Variants in TDRD9 observed in about 807,000 individuals in gnomAD.
The protein encoded by TDRD9 is ATP-dependent RNA helicase TDRD9.
In TDRD9, 124 loss-of-function variants were observed where a neutral mutation model predicts 172.6. That is an observed-to-expected ratio of 0.72 (90% confidence interval 0.62 to 0.83). TDRD9 has a LOEUF of 0.83. Among genes scored for constraint, TDRD9 ranks in the 40% least tolerant of loss-of-function variants. TDRD9 has a pLI of 0.00. For missense variants in TDRD9, 1,479 were observed against 1,714.1 expected (o/e 0.86, Z 2.42); for synonymous variants, 619 against 617.1 (o/e 1.00, Z -0.05).
intron 1 of TDRD9, among the ~76,000 whole-genome samples, chr14:103,931,003 T>C (rs2030352360): frequency 1.3e-5 from 2 of 152,164 alleles, no homozygotes; most frequent in Admixed American, 6.5e-5. Context: ...TAAAAAATTA[T>C]TAGATTCAAT....
intron 34 of TDRD9, among the ~76,000 whole-genome samples, chr14:104,048,673 T>A (rs185306996): frequency 2.6e-5 from 4 of 152,220 alleles, no homozygotes; most frequent in South Asian, 4.2e-4. Flanking sequence ...CCTCCATCAG[T>A]CAGGGATGTG....
At chr14:104,012,273 G>A (rs1441196740) in intron 20 of TDRD9, among the ~76,000 whole-genome samples, 1 of 152,372 alleles carries the variant, frequency 6.6e-6, no homozygotes, top group South Asian at 2.1e-4. Context: ...ATCCAGGAGG[G>A]TAAGAGTCCC....
rs143714763 is a variant in TDRD9 at position 103,987,123 on chromosome 14, T to TACACACAC, written c.1115+836_1115+843dup. 1.0e-3 allele frequency among the ~76,000 whole-genome samples: 151 copies of TACACACAC among 145,788 alleles called. 1 individual carries two copies. The highest frequency in any genetic ancestry group is 1.7e-3 in the Admixed American group (25 of 14,590). On this transcript the variant is annotated intron_variant, in intron 8 of 35. Coordinates refer to ENST00000409874, the MANE Select transcript of TDRD9 (RefSeq NM_153046.3). ...GCAAGACTCCATCTCAAAAAATATA[T>TACACACAC]ACACACACACACACACACACACACA...
At chr14:103,975,625 T>A in intron 7 of TDRD9, 72 bp downstream of exon 7, 15 of 1,430,838 alleles carry the variant, frequency 1.0e-5, no homozygotes, top group Non-Finnish European at 1.4e-5. Context: ...ATTCATCACC[T>A]ATGATTGTAA....
chr14:104,042,379 C>CTG (rs147033454), intron 34 of TDRD9, among the ~76,000 whole-genome samples, 192 bp downstream of exon 34: 2 of 152,012 alleles, frequency 1.3e-5, no homozygotes, highest in East Asian at 1.9e-4. Flanking sequence ...CACCCTTGTC[C>CTG]TGTGTGTGTG....
chr14:104,031,540 C>T (rs532231157), intron 29 of TDRD9, among the ~76,000 whole-genome samples: 60 of 141,216 alleles, frequency 4.2e-4, no homozygotes, highest in African/African-American at 1.5e-3. Context: ...GGAAGCACAG[C>T]GTGTGGGTTC....
intron 7 of TDRD9, among the ~76,000 whole-genome samples, chr14:103,985,461 G>GT (rs1314581852): frequency 6.6e-6 from 1 of 152,192 alleles, no homozygotes; most frequent in East Asian, 1.9e-4. Context: ...ATGTGGAACT[G>GT]TAAGTCCAGT....
In TDRD9 at chr14:104,004,299, C is replaced by T. The variant is rs750221711; in HGVS notation, c.1545C>T (p.Asp515=). 5 of 1,603,894 alleles carry T rather than the reference C, an allele frequency of 3.1e-6. No homozygotes were observed. Among genetic ancestry groups the T allele is most frequent in the Non-Finnish European group, 4.3e-6 (5 of 1,172,474 alleles). ...GGCTGGTACACAAGGATTTCTGGGACAACTCCATCCCTGATCATGTTGTTC... is the reference window on the plus strand; with the variant it reads ...GGCTGGTACACAAGGATTTCTGGGATAACTCCATCCCTGATCATGTTGTTC... ...CYRLVHKDFW[D]NSIPDHVVPE... The change falls in exon 14 of 36, where the codon GAC becomes GAT. Residue 515 remains aspartate, a synonymous_variant. Transcript: ENST00000409874.
rs2034103200 is a variant in TDRD9 at position 103,997,650 on chromosome 14, A to T, written c.1379-974A>T. Among the ~76,000 whole-genome samples the T allele has an allele frequency of 6.6e-6, 1 of 152,178 alleles. No homozygotes were observed. The highest frequency in any genetic ancestry group is 2.1e-4 in the South Asian group (1 of 4,834). On this transcript the variant is annotated intron_variant, in intron 12 of 35. Transcript: ENST00000409874. The surrounding 1 kb of genome is among the most constrained non-coding windows in gnomAD (Gnocchi z 5.1). ...GCCAAGCTCTTCTGGGAGTGCACAG[A>T]GGGAGGGTGGCCCCGGTGTGTAAAG...
intron 1 of TDRD9, among the ~76,000 whole-genome samples, chr14:103,937,151 C>T (rs1411833660): frequency 2.0e-5 from 3 of 152,172 alleles, no homozygotes; most frequent in Non-Finnish European, 4.4e-5. Flanking sequence ...GTTCTTTGAG[C>T]ACATGTGTGA....
chr14:104,030,998 A>G (rs2035264381), intron 28 of TDRD9, 110 bp from the exon 29 acceptor site: 6 of 1,002,366 alleles, frequency 6.0e-6, no homozygotes, highest in Non-Finnish European at 8.7e-6. Flanking sequence ...ATAAAAATTA[A>G]TGACATAGAA....
intron 30 of TDRD9, 108 bp from the exon 31 acceptor site, chr14:104,033,852 T>C: frequency 1.5e-6 from 1 of 682,922 alleles, no homozygotes; most frequent in South Asian, 1.6e-5. Context: ...CCGTCTATCA[T>C]TGCAGTTGCC....
chr14:104,012,150 CAG>C (rs1440509981), intron 20 of TDRD9, among the ~76,000 whole-genome samples: 1 of 152,228 alleles, frequency 6.6e-6, no homozygotes. Context: ...ACTCAGTCTT[CAG>C]TCCCTCCAGA....
chr14:103,941,047 A>G (rs72712880), intron 1 of TDRD9: 21 of 1,535,392 alleles, frequency 1.4e-5, no homozygotes, highest in Non-Finnish European at 1.7e-5. Flanking sequence ...AACTTGCTTG[A>G]AGATGTAGAC....
chr14:104,025,881 C>T, intron 26 of TDRD9, 105 bp downstream of exon 26: 1 of 1,114,198 alleles, frequency 9.0e-7, no homozygotes, highest in Non-Finnish European at 1.3e-6. Context: ...AAAATAATTG[C>T]AGTTAGCAAA....
At chr14:104,035,783 C>G (rs538357534) in intron 32 of TDRD9, among the ~76,000 whole-genome samples, 3 of 152,132 alleles carry the variant, frequency 2.0e-5, no homozygotes, top group Non-Finnish European at 2.9e-5. Flanking sequence ...GCAGTAGAGG[C>G]CTGGTAGCAC....
chr14:104,000,000 AG>A lies in TDRD9; in HGVS notation c.1483+1276del, dbSNP rs544310813. On this transcript the variant is annotated intron_variant, in intron 13 of 35. Coordinates refer to ENST00000409874, the MANE Select transcript of TDRD9 (RefSeq NM_153046.3). ...CTCTCCTGAAATGACTTGCCTAGAGAGGGGTTAAGAGAATGACTAAGCAGCT... is the reference window on the plus strand; with the variant it reads ...CTCTCCTGAAATGACTTGCCTAGAGAGGGTTAAGAGAATGACTAAGCAGCT... Among the ~76,000 whole-genome samples, 124 of 152,138 alleles carry A rather than the reference AG, an allele frequency of 8.2e-4. 1 individual carries two copies. Among genetic ancestry groups the A allele is most frequent in the Middle Eastern group, 3.4e-3 (1 of 294 alleles).
chr14:103,952,241 T>A (rs2031962314), intron 1 of TDRD9, among the ~76,000 whole-genome samples: 1 of 75,740 alleles, frequency 1.3e-5, no homozygotes, highest in Non-Finnish European at 2.5e-5. Context: ...TTTTTTTTTT[T>A]TTTTTTTTTT....
chr14:104,007,841 G>T (rs1253808174), intron 19 of TDRD9, among the ~76,000 whole-genome samples: 2 of 151,752 alleles, frequency 1.3e-5, no homozygotes, highest in African/African-American at 4.8e-5. Context: ...GCAGTGGCAC[G>T]ATCTTGGCTC....
Sources: allele counts gnomAD v4.1 joint callset (sites outside exome capture counted in the v4.1 genomes callset), GRCh38; gene constraint gnomAD v4.1.1; non-coding constraint Gnocchi (gnomAD v3.1); transcripts MANE v1.5; gene names NCBI Gene and HGNC (gene_info 2026-07-23, HGNC 2026-07-21).